CLVS1: variants seen among roughly 807,000 people sequenced by gnomAD.
CLVS1 encodes clavesin-1.
In CLVS1, 10 loss-of-function variants were observed where a neutral mutation model predicts 33.1. The ratio of observed to expected loss-of-function variants is 0.30; its 90% CI spans 0.19 to 0.51. The LOEUF is 0.51. Among genes scored for constraint, CLVS1 ranks in the 20% least tolerant of loss-of-function variants. The pLI, the probability that CLVS1 is intolerant of heterozygous loss-of-function variation, is 0.97. For missense variants in CLVS1, 343 were observed against 433.4 expected, an observed-to-expected ratio of 0.79 and a Z score of 1.85; for synonymous variants, 163 against 166.1, an observed-to-expected ratio of 0.98 and a Z score of 0.14.
chr8:61,146,348 C>T (rs931634364), intron 2 of CLVS1, among the ~76,000 whole-genome samples: 2 of 152,308 alleles, frequency 1.3e-5, no homozygotes, highest in Non-Finnish European at 2.9e-5. Flanking sequence ...AAATGGGGTT[C>T]TAGCTGCCAT....
intron 2 of CLVS1, among the ~76,000 whole-genome samples, chr8:61,237,940 G>C (rs1369720119): frequency 2.6e-5 from 4 of 152,112 alleles, no homozygotes; most frequent in Non-Finnish European, 5.9e-5. Context: ...GAGGAGACTG[G>C]GAGAGGGCAG....
At chr8:61,075,498 C>A (rs1044826265) in intron 1 of CLVS1, among the ~76,000 whole-genome samples, 4 of 152,134 alleles carry the variant, frequency 2.6e-5, no homozygotes, top group African/African-American at 9.7e-5. Context: ...TGAAATGGAT[C>A]CAAATTAAAA....
At chr8:61,009,171 A>T in the CLVS1 span, among the ~76,000 whole-genome samples, 918 of 145,248 alleles carry the variant, frequency 6.3e-3, 6 homozygotes, top group African/African-American at 0.013. Context: ...ACTCTTAAAA[A>T]TTTTTTTTTT....
At chr8:61,203,872 A>G (rs1322373841) in intron 2 of CLVS1, among the ~76,000 whole-genome samples, 1 of 152,224 alleles carries the variant, frequency 6.6e-6, no homozygotes, top group African/African-American at 2.4e-5. Context: ...TTTATTGTAA[A>G]TGCAATGTGA....
chr8:61,389,226 A>G (rs1442591736), intron 3 of CLVS1, among the ~76,000 whole-genome samples: 2 of 152,206 alleles, frequency 1.3e-5, no homozygotes, highest in African/African-American at 4.8e-5. Flanking sequence ...GCTAACCCAC[A>G]TTAGCATATA....
At chr8:61,293,148 A>T (rs554099167) in intron 1 of CLVS1, among the ~76,000 whole-genome samples, 2 of 152,294 alleles carry the variant, frequency 1.3e-5, no homozygotes, top group African/African-American at 4.8e-5. Flanking sequence ...CTAGGCTAGG[A>T]CTAAGCTAAA....
chr8:61,235,647 C>T (rs16927058), intron 2 of CLVS1, among the ~76,000 whole-genome samples: 33,034 of 152,068 alleles, frequency 0.22, 6,242 homozygotes, highest in East Asian at 0.69. Context: ...TTTGTCTGTA[C>T]ACAATCCTTT....
chr8:61,353,042 A>G (rs1812536679), intron 2 of CLVS1, among the ~76,000 whole-genome samples: 1 of 152,048 alleles, frequency 6.6e-6, no homozygotes, highest in Non-Finnish European at 1.5e-5. Flanking sequence ...ATGTGTGCAT[A>G]CATAAAAAGT....
intron 3 of CLVS1, among the ~76,000 whole-genome samples, chr8:61,450,491 A>G (rs1014630408): frequency 1.3e-5 from 2 of 152,340 alleles, no homozygotes; most frequent in East Asian, 3.9e-4. Context: ...TAAAAATCAC[A>G]GAGGGCCCTG....
At chr8:61,269,432 G>C (rs1390320646) in intron 2 of CLVS1, among the ~76,000 whole-genome samples, 1 of 151,860 alleles carries the variant, frequency 6.6e-6, no homozygotes, top group African/African-American at 2.4e-5. Context: ...TTGTAGTATA[G>C]TTTGAAGTCA....
chr8:61,152,376 T>G (rs1051907836), intron 2 of CLVS1, among the ~76,000 whole-genome samples: 3 of 152,192 alleles, frequency 2.0e-5, no homozygotes, highest in Non-Finnish European at 4.4e-5. Flanking sequence ...CCGTTTGTAC[T>G]GCTATAACAA....
intron 2 of CLVS1, among the ~76,000 whole-genome samples, chr8:61,222,837 C>T (rs557413791): frequency 6.6e-6 from 1 of 151,980 alleles, no homozygotes; most frequent in East Asian, 1.9e-4. Context: ...TCTCTAAGAA[C>T]TTGGTGCTCT....
At chr8:61,267,908 G>T (rs539022665) in intron 2 of CLVS1, among the ~76,000 whole-genome samples, 3 of 152,084 alleles carry the variant, frequency 2.0e-5, no homozygotes, top group African/African-American at 7.2e-5. Flanking sequence ...TTTCAAAGTC[G>T]AGCATGAAAA....
intron 2 of CLVS1, among the ~76,000 whole-genome samples, chr8:61,213,842 G>A (rs539602701): frequency 6.6e-5 from 10 of 152,318 alleles, no homozygotes; most frequent in Non-Finnish European, 1.0e-4. Flanking sequence ...CTGACCACCG[G>A]TGAGCCGGGT....
At chr8:61,103,173 C>G (rs535370404) in intron 1 of CLVS1, among the ~76,000 whole-genome samples, 76 of 152,304 alleles carry the variant, frequency 5.0e-4, no homozygotes, top group African/African-American at 1.8e-3. Context: ...CCTGAAATGA[C>G]TTTGAGCCAG....
intron 5 of CLVS1, among the ~76,000 whole-genome samples, chr8:61,479,461 G>C (rs1317414488): frequency 6.6e-6 from 1 of 152,098 alleles, no homozygotes; most frequent in Admixed American, 6.5e-5. Flanking sequence ...TCTCTGCATA[G>C]GTCATTCTAG....
At chr8:61,390,215 C>T (rs964295001) in intron 3 of CLVS1, among the ~76,000 whole-genome samples, 3 of 152,294 alleles carry the variant, frequency 2.0e-5, no homozygotes, top group African/African-American at 7.2e-5. Context: ...ACATTTTAAA[C>T]CTGGGCATCT....
chr8:60,985,121 T>C, the CLVS1 span, among the ~76,000 whole-genome samples: 3 of 152,232 alleles, frequency 2.0e-5, no homozygotes, highest in African/African-American at 7.2e-5. Flanking sequence ...GGCTATTTTT[T>C]CTTCTCTCAG....
At chr8:61,410,109 A>T (rs1419858144) in intron 3 of CLVS1, among the ~76,000 whole-genome samples, 29 of 113,278 alleles carry the variant, frequency 2.6e-4, no homozygotes, top group Non-Finnish European at 4.8e-4. Context: ...AGGTAAAAGG[A>T]TATTTTGTTG....
Sources: gnomAD v4.1 joint callset for allele counts (sites outside exome capture counted in the v4.1 genomes callset) on GRCh38, gnomAD v4.1.1 for gene constraint, MANE v1.5 for transcripts, NCBI Gene and HGNC (gene_info 2026-07-23, HGNC 2026-07-21) for gene names.